NTM: variants seen among roughly 807,000 people sequenced by gnomAD.
The protein encoded by NTM is IgLON family member 2.
In NTM, 13 loss-of-function variants were observed where a neutral mutation model predicts 42.1. That is an observed-to-expected ratio of 0.31 (90% CI 0.20 to 0.49). NTM has a LOEUF of 0.49. Among genes scored for constraint, NTM ranks in the 20% least tolerant of loss-of-function variants. The probability of loss-of-function intolerance (pLI) is 0.99; values close to 1 mark genes in which losing one functional copy is unlikely to be tolerated. For missense variants in NTM, 373 were observed against 452.8 expected, an observed-to-expected ratio of 0.82 and a Z score of 1.60; for synonymous variants, 187 against 179.2, an observed-to-expected ratio of 1.04 and a Z score of -0.35.
At chr11:131,557,247 A>G (rs529056576) in intron 1 of NTM, among the ~76,000 whole-genome samples, 1 of 152,244 alleles carries the variant, frequency 6.6e-6, no homozygotes, top group East Asian at 1.9e-4. Context: ...CTCTGTAATC[A>G]ATGAGTTGTT....
At chr11:132,039,029 C>T (rs1207400461) in intron 2 of NTM, among the ~76,000 whole-genome samples, 4 of 152,212 alleles carry the variant, frequency 2.6e-5, no homozygotes, top group African/African-American at 4.8e-5. Context: ...GGGCACCAGT[C>T]GGGTACAGCA....
chr11:131,879,942 T>C (rs73027544), intron 1 of NTM, among the ~76,000 whole-genome samples: 348 of 152,344 alleles, frequency 2.3e-3, no homozygotes, highest in Non-Finnish European at 3.8e-3. Context: ...CTGTGTAGTG[T>C]TTGCAATTGT....
chr11:131,704,688 A>C (rs553713942), intron 1 of NTM, among the ~76,000 whole-genome samples: 1 of 152,358 alleles, frequency 6.6e-6, no homozygotes, highest in African/African-American at 2.4e-5. Context: ...AATAATCTTA[A>C]AGAAGTGCAG....
intron 1 of NTM, among the ~76,000 whole-genome samples, chr11:131,592,597 T>C (rs1388309830): frequency 6.7e-6 from 1 of 148,180 alleles, no homozygotes; most frequent in Non-Finnish European, 1.5e-5. Flanking sequence ...CGACCTGAAA[T>C]TTCCTCTCTC....
intron 2 of NTM, among the ~76,000 whole-genome samples, chr11:132,098,966 G>A (rs1308035336): frequency 6.6e-6 from 1 of 152,184 alleles, no homozygotes; most frequent in African/African-American, 2.4e-5. Flanking sequence ...ATGTTTAATC[G>A]GGAGCGATAG....
chr11:131,888,371 T>G (rs1300407396), intron 1 of NTM, among the ~76,000 whole-genome samples: 1 of 152,164 alleles, frequency 6.6e-6, no homozygotes, highest in African/African-American at 2.4e-5. Context: ...CATTTCACAC[T>G]GCGGAGAAAT....
At chr11:131,454,238 C>T (rs1389849238) in intron 1 of NTM, among the ~76,000 whole-genome samples, 1 of 152,044 alleles carries the variant, frequency 6.6e-6, no homozygotes. Context: ...TCTTACTATG[C>T]CTAATTTATA....
At position 131,450,561 on chromosome 11, in the gene NTM, A is replaced by C. The variant is rs1488092496; in HGVS notation, c.82+79673A>C. Reference sequence around the variant, plus strand: ...CTGGGCTGCTTGGCCAACCATGTGCACGTAAACCCTGGACTGCCCTTGGTG... The same window carrying C: ...CTGGGCTGCTTGGCCAACCATGTGCCCGTAAACCCTGGACTGCCCTTGGTG... On this transcript the variant is annotated intron_variant, in intron 1 of 8. Coordinates refer to ENST00000683400, the MANE Select transcript of NTM (RefSeq NM_001352005.2). Among the ~76,000 whole-genome samples the C allele has an allele frequency of 2.6e-5, 4 of 152,286 alleles. 1 individual carries two copies. In the East Asian group the frequency reaches 5.8e-4, roughly 22 times the overall value.
chr11:131,948,228 G>A (rs2060564148), intron 2 of NTM, among the ~76,000 whole-genome samples: 1 of 151,972 alleles, frequency 6.6e-6, no homozygotes, highest in African/African-American at 2.4e-5. Flanking sequence ...AGCCAGGCGT[G>A]GTGGTGGGTG....
At chr11:131,952,734 A>G (rs945341061) in intron 2 of NTM, among the ~76,000 whole-genome samples, 1 of 152,200 alleles carries the variant, frequency 6.6e-6, no homozygotes, top group Non-Finnish European at 1.5e-5. Flanking sequence ...TCTAAAAAAG[A>G]AGAAATTTAT....
chr11:131,884,689 A>C (rs535304226), intron 1 of NTM, among the ~76,000 whole-genome samples: 1 of 152,214 alleles, frequency 6.6e-6, no homozygotes, highest in African/African-American at 2.4e-5. Flanking sequence ...CAGTGATCGG[A>C]AATCATGGAA....
chr11:132,306,344 G>T (rs1196314183), intron 4 of NTM: 1 of 152,142 alleles, frequency 6.6e-6, no homozygotes, highest in Non-Finnish European at 1.5e-5. Flanking sequence ...ATTATGGAAG[G>T]GTTTTCTCAC....
intron 1 of NTM, among the ~76,000 whole-genome samples, chr11:131,697,813 G>T (rs538682938): frequency 6.6e-6 from 1 of 152,158 alleles, no homozygotes; most frequent in Non-Finnish European, 1.5e-5. Context: ...GGTGTGGTTT[G>T]TGATTTTTCC....
intron 1 of NTM, among the ~76,000 whole-genome samples, chr11:131,500,541 T>TTATATATATATACA (rs2046610621): frequency 1.5e-5 from 1 of 65,148 alleles, no homozygotes; most frequent in Admixed American, 2.4e-4. Context: ...TAGTTATTTA[T>TTATATATATATACA]TATATATATA....
At chr11:131,685,521 A>T (rs553049305) in intron 1 of NTM, among the ~76,000 whole-genome samples, 35 of 152,330 alleles carry the variant, frequency 2.3e-4, no homozygotes, top group African/African-American at 7.9e-4. Context: ...CTGTACGCCA[A>T]GCACATTCCT....
rs140554487 is a variant in NTM, at chr11:131,788,882, G to A, written c.83-122682G>A. On this transcript the variant is annotated intron_variant, in intron 1 of 8. Transcript: ENST00000683400. Reference sequence around the variant, plus strand: ...ACACATTCTCGGGCAATCTCTCCGTGGCCACCTGGGAAGGAAGATAGGCGC... The same window carrying A: ...ACACATTCTCGGGCAATCTCTCCGTAGCCACCTGGGAAGGAAGATAGGCGC... Among the ~76,000 whole-genome samples, 720 of 152,156 alleles carry A rather than the reference G, an allele frequency of 4.7e-3. 5 individuals are homozygous for A. Among genetic ancestry groups the A allele is most frequent in the African/African-American group, 0.016 (683 of 41,494 alleles).
intron 2 of NTM, among the ~76,000 whole-genome samples, chr11:131,925,296 G>C (rs2057784844): frequency 6.6e-6 from 1 of 151,546 alleles, no homozygotes; most frequent in Admixed American, 6.6e-5. Flanking sequence ...AGATAGATAG[G>C]ATGATTTGTA....
chr11:131,613,919 T>A (rs2061674168), intron 1 of NTM, among the ~76,000 whole-genome samples: 1 of 152,206 alleles, frequency 6.6e-6, no homozygotes, highest in South Asian at 2.1e-4. Context: ...CCTGGCTTCC[T>A]CCTACTCCCG....
At chr11:131,757,905 T>C (rs1462712233) in intron 1 of NTM, among the ~76,000 whole-genome samples, 2 of 152,224 alleles carry the variant, frequency 1.3e-5, no homozygotes, top group Admixed American at 1.3e-4. Context: ...TTATGGAAAG[T>C]ATATTCTAGG....
Sources: gnomAD v4.1 joint callset for allele counts (sites outside exome capture counted in the v4.1 genomes callset) on GRCh38, gnomAD v4.1.1 for gene constraint, MANE v1.5 for transcripts, NCBI Gene and HGNC (gene_info 2026-07-23, HGNC 2026-07-21) for gene names.